Variants in SWT1 observed in about 807,000 individuals in gnomAD.
SWT1 encodes the protein SWT1 RNA endoribonuclease homolog.
In SWT1, 33 loss-of-function variants were observed where a neutral mutation model predicts 107.3. That is an observed-to-expected ratio of 0.31 (90% confidence interval 0.23 to 0.41). The LOEUF (loss-of-function observed/expected upper bound fraction) is 0.41. Ranked by LOEUF, SWT1 falls within the 10% of genes least tolerant of loss-of-function variation. The pLI is 1.00. For synonymous variants in SWT1, 345 were observed against 348.3 expected, an observed-to-expected ratio of 0.99 and a Z score of 0.11; for missense variants, 898 against 1,028.9, an observed-to-expected ratio of 0.87 and a Z score of 1.74.
intron 14 of SWT1, 113 bp downstream of exon 14, chr1:185,214,768 C>G (rs1352246473): frequency 1.2e-6 from 1 of 847,020 alleles, no homozygotes; most frequent in Non-Finnish European, 1.8e-6. Flanking sequence ...TTCTAACATA[C>G]TAAAGGCGTT....
intron 10 of SWT1, among the ~76,000 whole-genome samples, 192 bp from the exon 11 acceptor site, chr1:185,202,462 T>G (rs1657960934): frequency 6.6e-6 from 1 of 152,046 alleles, no homozygotes; most frequent in South Asian, 2.1e-4. Context: ...GATTTATATA[T>G]ATATATATAA....
chr1:185,172,212 T>C (rs777264329), intron 4 of SWT1, among the ~76,000 whole-genome samples: 2 of 152,236 alleles, frequency 1.3e-5, no homozygotes, highest in South Asian at 4.1e-4. Flanking sequence ...CAAAGTAATA[T>C]CTACTTTTAT....
intron 18 of SWT1, chr1:185,280,840 T>G: frequency 2.5e-6 from 1 of 406,324 alleles, no homozygotes. Flanking sequence ...TGGGGTGTGT[T>G]GTGATGCCAG....
intron 17 of SWT1, 66 bp from the exon 18 acceptor site, chr1:185,276,538 T>C (rs1323930487): frequency 3.3e-6 from 3 of 912,874 alleles, no homozygotes; most frequent in Admixed American, 4.5e-5. Flanking sequence ...TATGGGCTAC[T>C]CTAATTTTGC....
chr1:185,257,052 A>G (rs1490660619), intron 16 of SWT1, among the ~76,000 whole-genome samples: 2 of 152,050 alleles, frequency 1.3e-5, no homozygotes, highest in Non-Finnish European at 2.9e-5. Context: ...GTGAGGTGTC[A>G]GTGTGCCCCT....
At chr1:185,261,382 A>G (rs916522847) in intron 16 of SWT1, among the ~76,000 whole-genome samples, 1 of 152,106 alleles carries the variant, frequency 6.6e-6, no homozygotes, top group African/African-American at 2.4e-5. Flanking sequence ...TGTGTATACC[A>G]CATTTTTCCC....
At chr1:185,159,260 T>G (rs1653935466) in intron 1 of SWT1, among the ~76,000 whole-genome samples, 1 of 152,244 alleles carries the variant, frequency 6.6e-6, no homozygotes, top group African/African-American at 2.4e-5. Context: ...GGAGCCATCT[T>G]GAAGACTGGC....
chr1:185,204,601 T>C (rs1658161051), intron 11 of SWT1, 99 bp from the exon 12 acceptor site: 1 of 499,784 alleles, frequency 2.0e-6, no homozygotes, highest in South Asian at 5.2e-5. Context: ...AATTAAAATA[T>C]ATACATAAAA....
At chr1:185,190,725 A>C in intron 10 of SWT1, 83 bp downstream of exon 10, 1 of 792,294 alleles carries the variant, frequency 1.3e-6, no homozygotes, top group Non-Finnish European at 2.0e-6. Flanking sequence ...CCAGCATACC[A>C]AGGATCAAAA....
At chr1:185,248,330 A>AT (rs796284161) in intron 16 of SWT1, among the ~76,000 whole-genome samples, 96 of 152,164 alleles carry the variant, frequency 6.3e-4, no homozygotes, top group African/African-American at 2.0e-3. Context: ...ACCAATAACA[A>AT]TTTTTTTTCA....
At chr1:185,269,956 G>C (rs947070666) in intron 16 of SWT1, among the ~76,000 whole-genome samples, 2 of 152,184 alleles carry the variant, frequency 1.3e-5, no homozygotes, top group African/African-American at 2.4e-5. Context: ...GTTTATCGGG[G>C]TGTATCCCCA....
intron 18 of SWT1, among the ~76,000 whole-genome samples, chr1:185,282,172 C>T (rs183929989): frequency 1.3e-5 from 2 of 152,288 alleles, no homozygotes. Flanking sequence ...GGGTCTATTT[C>T]TGGTAATTTA....
chr1:185,275,830 G>T (rs1664204748), intron 17 of SWT1, among the ~76,000 whole-genome samples: 1 of 152,124 alleles, frequency 6.6e-6, no homozygotes, highest in Non-Finnish European at 1.5e-5. Context: ...TTTATGATAA[G>T]AATCTTTAAA....
chr1:185,197,282 T>C (rs1042905956), intron 10 of SWT1, among the ~76,000 whole-genome samples: 1 of 152,234 alleles, frequency 6.6e-6, no homozygotes, highest in Non-Finnish European at 1.5e-5. Context: ...TTTGCATATG[T>C]TGAAGCAGCC....
rs187966682 is a variant in SWT1, at chr1:185,215,217, A to G, written c.2121+562A>G. ...ATTTGCTTTATTGTTTTCTTTCTCT[A>G]CCTACCCACCTGTCTGTCTGTCCAT... On this transcript the variant is annotated intron_variant, in intron 14 of 18. Transcript: ENST00000367500. Among the ~76,000 whole-genome samples the G allele has an allele frequency of 1.8e-3, 269 of 152,152 alleles. 2 individuals are homozygous for G. Among genetic ancestry groups the G allele is most frequent in the African/African-American group, 6.2e-3 (257 of 41,506 alleles).
At chr1:185,157,443 A>G (rs1303605836) in intron 1 of SWT1, 129 bp downstream of exon 1, 1 of 151,630 alleles carries the variant, frequency 6.6e-6, no homozygotes, top group East Asian at 1.9e-4. Flanking sequence ...GGGCGGGGCG[A>G]CTCTGTGGGC....
intron 6 of SWT1, 93 bp from the exon 7 acceptor site, chr1:185,181,853 T>C: frequency 7.2e-7 from 1 of 1,390,206 alleles, no homozygotes; most frequent in Non-Finnish European, 9.9e-7. Flanking sequence ...CCATAAACCA[T>C]CTCAAGTGAA....
At chr1:185,257,397 G>A (rs1571638089) in intron 16 of SWT1, among the ~76,000 whole-genome samples, 1 of 152,230 alleles carries the variant, frequency 6.6e-6, no homozygotes, top group African/African-American at 2.4e-5. Context: ...CCGCCTTGCA[G>A]TTTGATCTCA....
In SWT1 at chr1:185,260,007, A is replaced by G. The variant is rs532955201; in HGVS notation, c.2442-11316A>G. ...TATTAATCTAATCTGTTATATAGCA[A>G]GAGTCATGGGTGAGTACTTTAGAAA... On this transcript the variant is annotated intron_variant, in intron 16 of 18. Coordinates refer to ENST00000367500, the MANE Select transcript of SWT1 (RefSeq NM_017673.7). Among the ~76,000 whole-genome samples the G allele has an allele frequency of 5.3e-5, 8 of 152,316 alleles. No homozygotes were observed. In the South Asian group the frequency reaches 1.7e-3, roughly 32 times the overall value.
Sources: gnomAD v4.1 joint callset for allele counts (sites outside exome capture counted in the v4.1 genomes callset) on GRCh38, gnomAD v4.1.1 for gene constraint, MANE v1.5 for transcripts, NCBI Gene and HGNC (gene_info 2026-07-23, HGNC 2026-07-21) for gene names.